Variants in CGNL1 observed in about 807,000 individuals in gnomAD.
CGNL1 encodes the protein cingulin-like protein 1.
A neutral mutation model predicts 141.2 loss-of-function variants in CGNL1; 132 were observed. That is an observed-to-expected ratio of 0.93 (90% CI 0.81 to 1.08). The LOEUF is 1.08. Ranked by LOEUF, CGNL1 falls within the 50% of genes least tolerant of loss-of-function variation. The pLI, the probability that CGNL1 is intolerant of heterozygous loss-of-function variation, is 0.00. For synonymous variants in CGNL1, 690 were observed against 622.1 expected (o/e 1.11, Z -1.63); for missense variants, 1,870 against 1,588.6 (o/e 1.18, Z -3.01).
intron 4 of CGNL1, among the ~76,000 whole-genome samples, chr15:57,443,633 A>T (rs566128716): frequency 6.6e-6 from 1 of 152,202 alleles, no homozygotes; most frequent in Non-Finnish European, 1.5e-5. Context: ...TGCCGTACAC[A>T]CACATACGCA....
At position 57,452,218 on chromosome 15, in the gene CGNL1, G is replaced by T; in HGVS notation, c.1983G>T (p.Lys661Asn). 1.9e-6 allele frequency: 3 copies of T among 1,613,964 alleles called. No individual in the cohort carries two copies. The highest frequency in any genetic ancestry group is 1.3e-5 in the African/African-American group (1 of 75,024). The change falls in exon 6 of 19, where the codon AAG becomes AAT. Residue 661 changes from lysine (K) to asparagine (N), a missense_variant. Lys to Asn is a moderately conservative substitution (Grantham distance 94). Coordinates refer to ENST00000281282, the MANE Select transcript of CGNL1 (RefSeq NM_032866.5). The part of the protein sequence containing the change: ...LEELRSQHNE[K>N]VEENSTLQQR... ...AGCTCCGAAGCCAACACAACGAAAA[G>T]GTGGAGGAGAACTCCACATTGCAGC... is the stretch of plus-strand genomic sequence containing the variant.
intron 8 of CGNL1, among the ~76,000 whole-genome samples, chr15:57,497,641 T>G (rs1355547790): frequency 1.3e-5 from 2 of 152,110 alleles, no homozygotes; most frequent in Non-Finnish European, 2.9e-5. Flanking sequence ...AGGGCTACAG[T>G]TTCCAGAAAT....
In CGNL1 at chr15:57,438,730, G is replaced by A; in HGVS notation, c.731G>A (p.Arg244Lys). The A allele has an allele frequency of 1.2e-6, 2 of 1,614,174 alleles. No homozygotes were observed. Among genetic ancestry groups the A allele is most frequent in the South Asian group, 2.2e-5 (2 of 91,072 alleles). Residue 244 changes from arginine to lysine, a missense_variant, in exon 2 of 19, where the codon AGG becomes AAG. Transcript: ENST00000281282. ...CVNVQSCTKE[R>K]VGEEALFTSG... is the part of the protein sequence containing the mutation. ...AACGTTCAGAGCTGCACCAAGGAGA[G>A]GGTGGGAGAGGAGGCCCTTTTCACT...
At chr15:57,377,243 T>G (rs1218425525) in intron 1 of CGNL1, 3 of 152,260 alleles carry the variant, frequency 2.0e-5, no homozygotes, top group Non-Finnish European at 4.4e-5. Flanking sequence ...TTCTTCACCC[T>G]AAGGCCGCTG....
intron 6 of CGNL1, 33 bp downstream of exon 6, chr15:57,452,322 C>T (rs1434719354): frequency 6.3e-7 from 1 of 1,597,832 alleles, no homozygotes; most frequent in Non-Finnish European, 8.5e-7. Context: ...GTTGCCCTTC[C>T]CAGGTTCTCT....
intron 1 of CGNL1, among the ~76,000 whole-genome samples, chr15:57,391,913 G>C (rs1162438513): frequency 6.6e-6 from 1 of 151,806 alleles, no homozygotes; most frequent in Non-Finnish European, 1.5e-5. Context: ...ATGCAAATCA[G>C]CATGTATTCT....
chr15:57,506,370 A>G (rs893907269), intron 8 of CGNL1, among the ~76,000 whole-genome samples: 6 of 152,216 alleles, frequency 3.9e-5, no homozygotes, highest in African/African-American at 1.4e-4. Flanking sequence ...TGTGGCTCTC[A>G]TGGTGAGGGA....
chr15:57,509,882 A>G (rs1333190090), intron 8 of CGNL1, among the ~76,000 whole-genome samples: 3 of 152,224 alleles, frequency 2.0e-5, no homozygotes, highest in Non-Finnish European at 4.4e-5. Context: ...CTGTTTTAGA[A>G]GAATGTTTTT....
At chr15:57,544,908 G>T (rs2032773294) in intron 16 of CGNL1, among the ~76,000 whole-genome samples, 1 of 152,180 alleles carries the variant, frequency 6.6e-6, no homozygotes, top group Admixed American at 6.5e-5. Flanking sequence ...AATAGGACAG[G>T]CTGCCTTGGA....
intron 8 of CGNL1, among the ~76,000 whole-genome samples, chr15:57,513,712 C>G (rs2414510): frequency 0.19 from 29,246 of 151,804 alleles, 3,399 homozygotes; most frequent in East Asian, 0.46. Flanking sequence ...AGTAAAGATG[C>G]GGTTTCACCA....
chr15:57,499,969 C>A (rs940891306), intron 8 of CGNL1, among the ~76,000 whole-genome samples: 2 of 152,042 alleles, frequency 1.3e-5, no homozygotes, highest in African/African-American at 4.8e-5. Flanking sequence ...GGGCTCTGAG[C>A]TGTGTCATGG....
At chr15:57,426,821 T>G (rs2062980979) in intron 1 of CGNL1, among the ~76,000 whole-genome samples, 1 of 152,062 alleles carries the variant, frequency 6.6e-6, no homozygotes, top group African/African-American at 2.4e-5. Context: ...ACATTTCCTT[T>G]GAGTGTATGT....
chr15:57,448,704 T>G lies in CGNL1; in HGVS notation c.1804-2796T>G, dbSNP rs2063286858. Among the ~76,000 whole-genome samples, 3 of 152,182 alleles carry G rather than the reference T, an allele frequency of 2.0e-5. No homozygotes were observed. The South Asian group carries it at 6.2e-4, about 32-fold the overall frequency. On this transcript the variant is annotated intron_variant, in intron 4 of 18. Coordinates refer to ENST00000281282, the MANE Select transcript of CGNL1 (RefSeq NM_032866.5). ...ATAATTGTTTCTATTTTAAAAATAT[T>G]AGTTATAGTTAATTTGTAGTCCTTA...
rs1407514675 is a variant in CGNL1, at chr15:57,549,543, T to G, written c.*2053T>G. ...TCATCCTCACCACAGCCAGGGGTGA[T>G]TCTCACCTCTGCCTGCTTATGTGGG... is the stretch of plus-strand genomic sequence containing the variant. On this transcript the variant is annotated 3_prime_UTR_variant, in exon 19 of 19. Transcript: ENST00000281282. The G allele has an allele frequency of 1.3e-5, 2 of 152,170 alleles. No homozygotes were observed. The highest frequency in any genetic ancestry group is 2.9e-5 in the Non-Finnish European group (2 of 68,026). The allele number at this position is 152,170 out of a possible 1,614,324, so 9.4% of individuals were successfully genotyped here. A position where few individuals can be genotyped will look rare whatever the true frequency, so the allele number is the denominator to read the frequency against.
intron 8 of CGNL1, among the ~76,000 whole-genome samples, chr15:57,480,225 A>C (rs556537418): frequency 7.5e-6 from 1 of 133,794 alleles, no homozygotes; most frequent in East Asian, 2.5e-4. Flanking sequence ...GAGCATGGGT[A>C]TGAAAATATG....
intron 7 of CGNL1, among the ~76,000 whole-genome samples, chr15:57,459,167 G>C (rs1272704010): frequency 6.6e-6 from 1 of 152,198 alleles, no homozygotes; most frequent in Admixed American, 6.5e-5. Flanking sequence ...AAAACAGGTC[G>C]TGTTCTTATG....
chr15:57,384,855 A>G (rs1321196312), intron 1 of CGNL1, among the ~76,000 whole-genome samples: 1 of 152,240 alleles, frequency 6.6e-6, no homozygotes, highest in Non-Finnish European at 1.5e-5. Context: ...CTCTGTCTCT[A>G]GCAGCCACAG....
In CGNL1 at chr15:57,546,059, ATT is replaced by A. The variant is rs751434876; in HGVS notation, c.3610-16_3610-15del. The stretch of plus-strand genomic sequence containing the variant: ...GGCCATCAGCCGGCACTCAGCCCAC[ATT>A]CTCTCCCGGTGCAGCTGAGCTTGCG... On this transcript the variant is annotated splice_polypyrimidine_tract_variant and intron_variant, in intron 17 of 18. Transcript: ENST00000281282. The A allele has an allele frequency of 6.2e-7, 1 of 1,606,660 alleles. No homozygotes were observed. The highest frequency in any genetic ancestry group is 8.5e-7 in the Non-Finnish European group (1 of 1,176,246).
At chr15:57,447,312 T>A (rs1955518044) in intron 4 of CGNL1, among the ~76,000 whole-genome samples, 2 of 152,374 alleles carry the variant, frequency 1.3e-5, no homozygotes, top group South Asian at 2.1e-4. Context: ...TCCTTCAGCC[T>A]GGAGAACTAT....
Sources: allele counts gnomAD v4.1 joint callset (sites outside exome capture counted in the v4.1 genomes callset), GRCh38; gene constraint gnomAD v4.1.1; transcripts MANE v1.5; gene names NCBI Gene and HGNC (gene_info 2026-07-23, HGNC 2026-07-21).